Variants in ZC3H11A observed in about 807,000 individuals in gnomAD.
The protein encoded by ZC3H11A is zinc finger CCCH domain-containing protein 11A.
ZC3H11A carries 22 observed loss-of-function variants against 90.8 expected under a neutral mutation model. That is an observed-to-expected ratio of 0.24 (90% CI 0.17 to 0.35). ZC3H11A has a LOEUF of 0.35. ZC3H11A is among the 10% of genes least tolerant of loss of function. The probability of loss-of-function intolerance (pLI) is 1.00; values close to 1 mark genes in which losing one functional copy is unlikely to be tolerated. For synonymous variants in ZC3H11A, 294 were observed against 339.8 expected (o/e 0.87, Z 1.48); for missense variants, 701 against 964.9 (o/e 0.73, Z 3.62).
chr1:203,800,533 A>G (rs929937859), intron 1 of ZC3H11A: 41 of 1,363,460 alleles, frequency 3.0e-5, no homozygotes, highest in African/African-American at 4.4e-5. Context: ...TAGTTGTTAA[A>G]TATAATCATT....
intron 17 of ZC3H11A, among the ~76,000 whole-genome samples, chr1:203,851,514 GTGACAGGGTTT>G (rs1689250702): frequency 1.3e-5 from 2 of 152,052 alleles, no homozygotes; most frequent in African/African-American, 4.8e-5. Context: ...ATTTTTAGTA[GTGACAGGGTTT>G]TGCCACATTG....
intron 12 of ZC3H11A, among the ~76,000 whole-genome samples, chr1:203,840,901 T>C (rs755027019): frequency 3.3e-5 from 5 of 152,128 alleles, no homozygotes; most frequent in Non-Finnish European, 7.3e-5. Flanking sequence ...CCCAAAATCC[T>C]GGGATTACAG....
intron 4 of ZC3H11A, among the ~76,000 whole-genome samples, chr1:203,822,874 C>T (rs749039644): frequency 7.9e-5 from 12 of 152,150 alleles, no homozygotes; most frequent in Non-Finnish European, 1.2e-4. Context: ...GCCTGTCTCC[C>T]TCAACCCCAT....
intron 12 of ZC3H11A, among the ~76,000 whole-genome samples, chr1:203,841,157 ATT>A (rs76329142): frequency 9.1e-6 from 1 of 110,342 alleles, no homozygotes; most frequent in Non-Finnish European, 2.0e-5. Flanking sequence ...TTTTTTTTTT[ATT>A]TTTTTTTTTA....
chr1:203,812,834 G>A (rs1477291233), intron 2 of ZC3H11A, among the ~76,000 whole-genome samples: 3 of 151,888 alleles, frequency 2.0e-5, no homozygotes, highest in African/African-American at 4.8e-5. Flanking sequence ...CACCTGCCTC[G>A]GCCTCCCAAA....
At chr1:203,829,694 G>T in intron 6 of ZC3H11A, 40 bp downstream of exon 6, 1 of 1,612,768 alleles carries the variant, frequency 6.2e-7, no homozygotes, top group South Asian at 1.1e-5. Context: ...CAAATAAATA[G>T]GGTCTCATAG....
intron 14 of ZC3H11A, 131 bp from the exon 15 acceptor site, chr1:203,849,580 A>G (rs928284410): frequency 3.5e-6 from 3 of 869,456 alleles, no homozygotes; most frequent in Middle Eastern, 2.6e-4. Context: ...TTTAACATCA[A>G]ATAAAGAGCT....
intron 2 of ZC3H11A, among the ~76,000 whole-genome samples, chr1:203,811,770 T>C (rs1674567706): frequency 6.6e-6 from 1 of 151,758 alleles, no homozygotes; most frequent in Non-Finnish European, 1.5e-5. Context: ...TATTAAACTT[T>C]TTCCTTTGTT....
At chr1:203,845,428 C>T (rs1339102462) in intron 12 of ZC3H11A, among the ~76,000 whole-genome samples, 1 of 152,118 alleles carries the variant, frequency 6.6e-6, no homozygotes, top group Non-Finnish European at 1.5e-5. Context: ...GCTTCCTTTG[C>T]AATATTACAG....
At chr1:203,842,085 G>A (rs1216479853) in intron 12 of ZC3H11A, among the ~76,000 whole-genome samples, 12 of 151,154 alleles carry the variant, frequency 7.9e-5, no homozygotes, top group Admixed American at 2.0e-4. Flanking sequence ...ACGGGATGGC[G>A]GCTGGGAAGA....
intron 2 of ZC3H11A, among the ~76,000 whole-genome samples, chr1:203,810,481 G>A (rs537644826): frequency 2.1e-4 from 32 of 149,498 alleles, no homozygotes; most frequent in Non-Finnish European, 3.4e-4. Flanking sequence ...GTGCAGTGGC[G>A]CGATCTCAGC....
intron 10 of ZC3H11A, chr1:203,834,062 A>G: frequency 8.1e-7 from 1 of 1,229,484 alleles, no homozygotes; most frequent in Non-Finnish European, 1.0e-6. Flanking sequence ...CTAGATTATG[A>G]CCATGACCAG....
In ZC3H11A at chr1:203,802,240, A is replaced by G. The variant is rs1368985899; in HGVS notation, c.-922A>G. Reference sequence around the variant, plus strand: ...ATACATCCATATTATACATAATGATATATGTGTAAGGATTTACCTTCGTCT... The same window carrying G: ...ATACATCCATATTATACATAATGATGTATGTGTAAGGATTTACCTTCGTCT... On this transcript the variant is annotated 5_prime_UTR_variant, in exon 2 of 18. In the 5' UTR this introduces an upstream ATG that the reference lacks. Coordinates refer to ENST00000367210, the MANE Select transcript of ZC3H11A (RefSeq NM_001376342.1). 1 of 152,618 alleles carries G rather than the reference A, an allele frequency of 6.6e-6. No individual in the cohort carries two copies. The highest frequency in any genetic ancestry group is 2.4e-5 in the African/African-American group (1 of 41,454). The allele number at this position is 152,618 out of a possible 1,614,324, so 9.5% of individuals were successfully genotyped here.
chr1:203,798,231 T>C (rs1489823293), intron 1 of ZC3H11A: 1 of 1,536,136 alleles, frequency 6.5e-7, no homozygotes, highest in East Asian at 2.4e-5. Context: ...TAAATCAGCA[T>C]CTGATGCCCT....
At chr1:203,835,282 G>C (rs1683922443) in intron 10 of ZC3H11A, among the ~76,000 whole-genome samples, 1 of 152,208 alleles carries the variant, frequency 6.6e-6, no homozygotes, top group Non-Finnish European at 1.5e-5. Context: ...TGGCAACCAT[G>C]AGTAAACCAT....
chr1:203,800,233 A>G, intron 1 of ZC3H11A: 4 of 1,309,694 alleles, frequency 3.1e-6, no homozygotes, highest in Non-Finnish European at 4.3e-6. Context: ...GTTGCCATCC[A>G]GTATCTAAGT....
Position 203,807,524 on chromosome 1 carries a change from T to A in ZC3H11A, c.-146+4508T>A, listed in dbSNP as rs371490160. 7.3e-5 allele frequency among the ~76,000 whole-genome samples: 11 copies of A among 150,868 alleles called. 1 individual carries two copies. The East Asian group carries it at 7.8e-4, about 11-fold the overall frequency. ...ACAAAGTTTTGTTTTGTCTTACTGTTTTTTTTTTGTTGGTTTTTTAGAGAT... is the reference window on the plus strand; with the variant it reads ...ACAAAGTTTTGTTTTGTCTTACTGTATTTTTTTTGTTGGTTTTTTAGAGAT... On this transcript the variant is annotated intron_variant, in intron 2 of 17. Transcript: ENST00000367210.
At chr1:203,839,053 A>G (rs1283052825) in intron 11 of ZC3H11A, among the ~76,000 whole-genome samples, 1 of 151,946 alleles carries the variant, frequency 6.6e-6, no homozygotes, top group Admixed American at 6.6e-5. Context: ...TGCAATATGG[A>G]GACAGATTAG....
chr1:203,800,763 T>G (rs10494844), intron 1 of ZC3H11A: 25,621 of 202,078 alleles, frequency 0.13, 2,093 homozygotes, highest in East Asian at 0.28. Flanking sequence ...CCTGGTAGAT[T>G]GAACTAGTAA....
Sources: allele counts gnomAD v4.1 joint callset (sites outside exome capture counted in the v4.1 genomes callset), GRCh38; gene constraint gnomAD v4.1.1; transcripts MANE v1.5; gene names NCBI Gene and HGNC (gene_info 2026-07-23, HGNC 2026-07-21).